Variants in WDR36 observed in about 807,000 individuals in gnomAD.
WDR36 encodes the protein WD repeat domain 36, also known as WD repeat-containing protein 36.
In WDR36, 63 loss-of-function variants were observed where a neutral mutation model predicts 112.7. That is an observed-to-expected ratio of 0.56 (90% confidence interval 0.46 to 0.69). WDR36 has a LOEUF of 0.69. Among genes scored for constraint, WDR36 ranks in the 30% least tolerant of loss-of-function variants. WDR36 has a pLI of 0.00. For missense variants in WDR36, 1,226 were observed against 1,070.3 expected (o/e 1.15, Z -2.03); for synonymous variants, 410 against 362.2 (o/e 1.13, Z -1.50).
rs151231799 is a variant in WDR36, at chr5:111,102,129, A to AT, written c.543-215dup. 0.26 allele frequency among the ~76,000 whole-genome samples: 38,643 copies of AT among 151,292 alleles called. 6,035 individuals are homozygous for AT. Among genetic ancestry groups the AT allele is most frequent in the Non-Finnish European group, 0.35 (23,753 of 67,520 alleles). On this transcript the variant is annotated intron_variant, in intron 5 of 22. Transcript: ENST00000513710. ...TCCACTTAGGACATTTAATTTCTTA[A>AT]TGAGGTGGCATAGCATAGTAGTTAG... is the stretch of plus-strand genomic sequence containing the variant.
intron 19 of WDR36, among the ~76,000 whole-genome samples, chr5:111,122,640 C>T (rs1057090040): frequency 2.1e-4 from 32 of 152,310 alleles, no homozygotes; most frequent in Admixed American, 6.5e-4. Context: ...GCTCTGCTTA[C>T]ACTACAGTTT....
At chr5:111,111,789 A>G (rs1753345098) in intron 15 of WDR36, among the ~76,000 whole-genome samples, 1 of 151,874 alleles carries the variant, frequency 6.6e-6, no homozygotes, top group Non-Finnish European at 1.5e-5. Flanking sequence ...TATGATATGG[A>G]AAGAAGTAAA....
rs1164259635 is a variant in WDR36, at chr5:111,103,902, A to G, written c.714A>G (p.Ser238=). ...GTCAAGACTGGGGACCCATTACTTC[A>G]ATTTCATTTCGCACAGGTAACTTTT... ...KFRQDWGPIT[S]ISFRTDGHPV... Residue 238 remains serine, a synonymous_variant, in exon 7 of 23, where the codon TCA becomes TCG. Transcript: ENST00000513710. The G allele has an allele frequency of 2.5e-6, 4 of 1,611,196 alleles. No homozygotes were observed. In the South Asian group the frequency reaches 4.4e-5, roughly 18 times the overall value.
chr5:111,110,368 G>A (rs1753301931), intron 13 of WDR36, 65 bp downstream of exon 13: 2 of 1,324,344 alleles, frequency 1.5e-6, no homozygotes, highest in Admixed American at 3.4e-5. Context: ...GTGAAAGCTG[G>A]TATGTATAAT....
At chr5:111,120,185 T>A (rs895154806) in intron 17 of WDR36, among the ~76,000 whole-genome samples, 2 of 152,128 alleles carry the variant, frequency 1.3e-5, no homozygotes, top group African/African-American at 4.8e-5. Context: ...TTAATTTCCT[T>A]AAATAAAGGT....
In WDR36 at chr5:111,092,524, T is replaced by C; in HGVS notation, c.68T>C (p.Phe23Ser). 1 of 1,614,238 alleles carries C rather than the reference T, an allele frequency of 6.2e-7. No individual in the cohort carries two copies. The highest frequency in any genetic ancestry group is 1.1e-5 in the South Asian group (1 of 91,090). Residue 23 changes from phenylalanine to serine, a missense_variant, in exon 1 of 23, where the codon TTC becomes TCC. Transcript: ENST00000513710. Reference protein sequence around the residue: ...LFAGFRALGLFSNDIPHVVRF... With the variant: ...LFAGFRALGLSSNDIPHVVRF... ...GCGGGGTTCCGGGCCTTGGGACTTTTCAGCAACGACATTCCACACGTGGTG... is the reference window on the plus strand; with the variant it reads ...GCGGGGTTCCGGGCCTTGGGACTTTCCAGCAACGACATTCCACACGTGGTG...
chr5:111,100,831 G>T, intron 5 of WDR36, 110 bp downstream of exon 5: 1 of 1,152,644 alleles, frequency 8.7e-7, no homozygotes, highest in Non-Finnish European at 1.2e-6. Context: ...TTATTTGGAG[G>T]GTTGTCTATA....
At chr5:111,118,203 A>C (rs1753495256) in intron 16 of WDR36, among the ~76,000 whole-genome samples, 1 of 141,560 alleles carries the variant, frequency 7.1e-6, no homozygotes, top group South Asian at 2.3e-4. Context: ...ACAAAACTGC[A>C]CTCCTCACTC....
chr5:111,129,207 T>A lies in WDR36; in HGVS notation c.*2324T>A, dbSNP rs1298361396. ...ATTACAAACAATGCTGAAAGGAACA[T>A]CATCCTACATGAGCCCTTTTTGTAC... On this transcript the variant is annotated 3_prime_UTR_variant, in exon 23 of 23. Coordinates refer to ENST00000513710, the MANE Select transcript of WDR36 (RefSeq NM_139281.3). 5.1e-6 allele frequency: 1 copy of A among 197,014 alleles called. No homozygotes were observed. Among genetic ancestry groups the A allele is most frequent in the Non-Finnish European group, 1.1e-5 (1 of 95,160 alleles). The allele number at this position is 197,014 out of a possible 1,614,324, so 12.2% of individuals were successfully genotyped here.
rs1435075687 is a variant in WDR36, at chr5:111,107,423, A to G, written c.1310A>G (p.Asp437Gly). 6.2e-7 allele frequency: 1 copy of G among 1,610,152 alleles called. No homozygotes were observed. Among genetic ancestry groups the G allele is most frequent in the Non-Finnish European group, 8.5e-7 (1 of 1,177,342 alleles). The part of the protein sequence containing the change: ...YFLKPKELKK[D>G]DITATAVDIT... ...CTCAAGCCAAAAGAGTTGAAGAAAG[A>G]TGACATAACTGCAACAGTAAGTGAG... is the stretch of plus-strand genomic sequence containing the variant. Residue 437 changes from aspartate to glycine, a missense_variant, in exon 12 of 23, where the codon GAT (aspartate) becomes GGT (glycine). Transcript: ENST00000513710.
chr5:111,126,830 C>G lies in WDR36; in HGVS notation c.2635C>G (p.Leu879Val). 6.2e-7 allele frequency: 1 copy of G among 1,613,278 alleles called. No individual in the cohort carries two copies. Among genetic ancestry groups the G allele is most frequent in the Non-Finnish European group, 8.5e-7 (1 of 1,179,732 alleles). ...VEENWTHLQS[L>V]FNQSMCILNY... is the part of the protein sequence containing the mutation. ...AGAAAACTGGACCCATTTGCAATCACTCTTCAATCAAAGCATGTGTATTTT... is the reference window on the plus strand; with the variant it reads ...AGAAAACTGGACCCATTTGCAATCAGTCTTCAATCAAAGCATGTGTATTTT... The change falls in exon 23 of 23, where the codon CTC becomes GTC. Residue 879 changes from leucine (L) to valine (V), a missense_variant. Leu to Val is a conservative substitution (Grantham distance 32). Coordinates refer to ENST00000513710, the MANE Select transcript of WDR36 (RefSeq NM_139281.3).
chr5:111,125,172 TTTTATAAC>T (rs1319347453), intron 21 of WDR36, among the ~76,000 whole-genome samples: 3 of 152,218 alleles, frequency 2.0e-5, no homozygotes, highest in Non-Finnish European at 4.4e-5. Context: ...GATTATGTAC[TTTTATAAC>T]TTTATAACAA....
rs886059785 is a variant in WDR36 at position 111,129,527 on chromosome 5, A to G, written c.*2644A>G. 30 of 197,968 alleles carry G rather than the reference A, an allele frequency of 1.5e-4. No individual in the cohort carries two copies. The highest frequency in any genetic ancestry group is 2.9e-4 in the Non-Finnish European group (28 of 95,758). 12.3% of individuals were successfully genotyped at this position (197,968 alleles called of 1,614,324 possible). On this transcript the variant is annotated 3_prime_UTR_variant, in exon 23 of 23. Coordinates refer to ENST00000513710, the MANE Select transcript of WDR36 (RefSeq NM_139281.3). Reference sequence around the variant, plus strand: ...TTTTAGAACATATAAACATTTGTTAATTTTCTTTTTCCTCTCATTTTTCTA... The same window carrying G: ...TTTTAGAACATATAAACATTTGTTAGTTTTCTTTTTCCTCTCATTTTTCTA...
intron 16 of WDR36, among the ~76,000 whole-genome samples, chr5:111,114,415 A>G (rs1257458545): frequency 1.3e-5 from 2 of 152,200 alleles, no homozygotes; most frequent in South Asian, 2.1e-4. Flanking sequence ...TCATACATGA[A>G]AACAGTTTGA....
At chr5:111,095,080 C>A in intron 2 of WDR36, 133 bp downstream of exon 2, 3 of 781,206 alleles carry the variant, frequency 3.8e-6, no homozygotes, top group Admixed American at 5.4e-5. Flanking sequence ...TTATCAGCAA[C>A]AAAAAAGGGT....
intron 2 of WDR36, 87 bp downstream of exon 2, chr5:111,095,034 G>T: frequency 8.0e-7 from 1 of 1,255,862 alleles, no homozygotes; most frequent in South Asian, 1.3e-5. Context: ...AGCATATAAG[G>T]AAGCCAAGGT....
At position 111,123,940 on chromosome 5, in the gene WDR36, G is replaced by T. The variant is rs1293466670; in HGVS notation, c.2268+16G>T. Reference sequence around the variant, plus strand: ...TCCCCAGCAGGTAAAAAACAAATTAGAAGATTCTAAGTATATCGGTGTATG... The same window carrying T: ...TCCCCAGCAGGTAAAAAACAAATTATAAGATTCTAAGTATATCGGTGTATG... On this transcript the variant is annotated intron_variant, in intron 20 of 22. Transcript: ENST00000513710. 6.2e-7 allele frequency: 1 copy of T among 1,613,080 alleles called. No homozygotes were observed.
chr5:111,102,705 A>G (rs1001465539), intron 6 of WDR36, among the ~76,000 whole-genome samples: 1 of 151,594 alleles, frequency 6.6e-6, no homozygotes, highest in African/African-American at 2.4e-5. Context: ...TAGACTGGAA[A>G]TGAGTGTTCA....
At chr5:111,114,460 C>T (rs1753415725) in intron 16 of WDR36, among the ~76,000 whole-genome samples, 1 of 152,206 alleles carries the variant, frequency 6.6e-6, no homozygotes, top group Non-Finnish European at 1.5e-5. Context: ...GTCCTCAGTT[C>T]CCTTCGAGTT....
Sources: allele counts gnomAD v4.1 joint callset (sites outside exome capture counted in the v4.1 genomes callset), GRCh38; gene constraint gnomAD v4.1.1; transcripts MANE v1.5; gene names NCBI Gene and HGNC (gene_info 2026-07-23, HGNC 2026-07-21).